The following KCNMA1 variants were observed in gnomAD, a reference collection of about 807,000 sequenced individuals.
The protein encoded by KCNMA1 is potassium calcium-activated channel subfamily M alpha 1.
Under a neutral mutation model 140.0 loss-of-function variants are expected in KCNMA1, and 29 were observed. The ratio of observed to expected loss-of-function variants is 0.21; its 90% CI spans 0.15 to 0.28. The LOEUF is 0.28. KCNMA1 is among the 10% of genes least tolerant of loss of function. The probability of loss-of-function intolerance (pLI) is 1.00; values close to 1 mark genes in which losing one functional copy is unlikely to be tolerated. For missense variants in KCNMA1, 880 were observed against 1,602.2 expected, an observed-to-expected ratio of 0.55 and a Z score of 7.70; for synonymous variants, 612 against 611.9, an observed-to-expected ratio of 1.00 and a Z score of 0.00.
At chr10:77,426,913 A>T (rs1014069522) in intron 1 of KCNMA1, among the ~76,000 whole-genome samples, 1 of 152,256 alleles carries the variant, frequency 6.6e-6, no homozygotes, top group Non-Finnish European at 1.5e-5. Context: ...CGTGACCCAC[A>T]CATACCTACT....
intron 1 of KCNMA1, among the ~76,000 whole-genome samples, chr10:77,600,639 T>C (rs868626048): frequency 4.6e-5 from 7 of 152,014 alleles, no homozygotes; most frequent in Non-Finnish European, 2.9e-5. Context: ...TCCCAGCTAC[T>C]CAGGAGGCTG....
At chr10:77,202,368 T>C (rs1475803269) in intron 3 of KCNMA1, among the ~76,000 whole-genome samples, 1 of 152,206 alleles carries the variant, frequency 6.6e-6, no homozygotes, top group Non-Finnish European at 1.5e-5. Flanking sequence ...AGGTCGTTAA[T>C]GTAATAAGCA....
intron 1 of KCNMA1, among the ~76,000 whole-genome samples, chr10:77,589,439 A>G (rs1051783784): frequency 1.3e-5 from 2 of 152,000 alleles, no homozygotes; most frequent in African/African-American, 4.8e-5. Context: ...GCCTCTCCCA[A>G]GCTCCCTGGG....
Position 77,436,143 on chromosome 10 carries a change from A to G in KCNMA1, c.379-32120T>C, listed in dbSNP as rs541248142. ...AGACCTGCTGGGGGAAGCTTGCACA[A>G]GTCTGGTCCAAAATCCGTTTGTAAG... On this transcript the variant is annotated intron_variant, in intron 1 of 27. Transcript: ENST00000286628. Among the ~76,000 whole-genome samples, 191 of 152,334 alleles carry G rather than the reference A, an allele frequency of 1.3e-3. 4 individuals are homozygous for G. The South Asian group carries it at 0.037, about 30-fold the overall frequency.
At chr10:77,218,160 A>T (rs1199784593) in intron 3 of KCNMA1, among the ~76,000 whole-genome samples, 1 of 151,976 alleles carries the variant, frequency 6.6e-6, no homozygotes, top group Non-Finnish European at 1.5e-5. Context: ...GTTGAGAGGG[A>T]GGGAGAAGTT....
chr10:77,343,327 C>T (rs2091422528), intron 2 of KCNMA1, among the ~76,000 whole-genome samples: 1 of 152,078 alleles, frequency 6.6e-6, no homozygotes, highest in Non-Finnish European at 1.5e-5. Flanking sequence ...ATAGGTATTG[C>T]CATTGTCCTG....
At chr10:77,533,629 C>T (rs966166476) in intron 1 of KCNMA1, among the ~76,000 whole-genome samples, 8 of 152,088 alleles carry the variant, frequency 5.3e-5, no homozygotes, top group African/African-American at 1.7e-4. Flanking sequence ...CATCACTGCC[C>T]GGCAAGAGTC....
intron 21 of KCNMA1, 161 bp from the exon 22 acceptor site, chr10:76,949,527 G>A: frequency 2.9e-6 from 2 of 685,322 alleles, no homozygotes; most frequent in South Asian, 3.3e-5. Flanking sequence ...ATGCCATATA[G>A]AGCTATAATT....
In KCNMA1 at chr10:76,947,991, AGTTGTTTCTTGTTTT is replaced by A. The variant is rs1473696912; in HGVS notation, c.2709+1136_2709+1150del. Among the ~76,000 whole-genome samples the A allele has an allele frequency of 2.5e-3, 16 of 6,528 alleles. No homozygotes were observed. The South Asian group carries it at 0.12, about 49-fold the overall frequency. The allele number at this position is 6,528 out of a possible 152,430, so 4.3% of individuals were successfully genotyped here. ...ACATGTAGAGAAATCCATGTTCCTC[AGTTGTTTCTTGTTTT>A]GTTTTTGTTTTTGTTTGAGGCAGGC... is the stretch of plus-strand genomic sequence containing the variant. On this transcript the variant is annotated intron_variant, in intron 22 of 27. Coordinates refer to ENST00000286628, the MANE Select transcript of KCNMA1 (RefSeq NM_001161352.2).
At position 77,480,537 on chromosome 10, in the gene KCNMA1, A is replaced by G. The variant is rs571374800; in HGVS notation, c.379-76514T>C. ...TCCCAGAAAAAAAGAAACAGTCCCCATATCCTAGAGCAAGAAATAAGCAAA... is the reference window on the plus strand; with the variant it reads ...TCCCAGAAAAAAAGAAACAGTCCCCGTATCCTAGAGCAAGAAATAAGCAAA... On this transcript the variant is annotated intron_variant, in intron 1 of 27. Transcript: ENST00000286628. Among the ~76,000 whole-genome samples the G allele has an allele frequency of 2.6e-5, 4 of 152,358 alleles. No homozygotes were observed. The South Asian group carries it at 8.3e-4, about 32-fold the overall frequency.
intron 3 of KCNMA1, among the ~76,000 whole-genome samples, chr10:77,202,589 C>T (rs866548836): frequency 6.6e-6 from 1 of 152,176 alleles, no homozygotes; most frequent in African/African-American, 2.4e-5. Context: ...CAAGTGATAC[C>T]TGCTTAATGA....
At chr10:77,297,652 T>G (rs1057294107) in intron 2 of KCNMA1, among the ~76,000 whole-genome samples, 1 of 152,130 alleles carries the variant, frequency 6.6e-6, no homozygotes, top group African/African-American at 2.4e-5. Context: ...CACGCATAAT[T>G]AATGTGACTA....
At chr10:76,909,019 A>G (rs1226521258) in intron 25 of KCNMA1, among the ~76,000 whole-genome samples, 2 of 152,220 alleles carry the variant, frequency 1.3e-5, no homozygotes, top group Non-Finnish European at 2.9e-5. Flanking sequence ...ATGCACATCA[A>G]GTTATAAAAG....
At chr10:77,174,314 A>G (rs760704200) in intron 5 of KCNMA1, among the ~76,000 whole-genome samples, 7 of 152,198 alleles carry the variant, frequency 4.6e-5, no homozygotes, top group Non-Finnish European at 8.8e-5. Flanking sequence ...CCATTGGTCC[A>G]TTCACTCAAA....
At chr10:76,983,725 TAA>T (rs563879219) in intron 19 of KCNMA1, among the ~76,000 whole-genome samples, 10 of 136,814 alleles carry the variant, frequency 7.3e-5, no homozygotes, top group African/African-American at 8.1e-5. Flanking sequence ...AGACACTGTT[TAA>T]AAAAAAAAAA....
chr10:77,167,639 C>T (rs1463207500), intron 5 of KCNMA1, among the ~76,000 whole-genome samples: 1 of 151,700 alleles, frequency 6.6e-6, no homozygotes, highest in African/African-American at 2.4e-5. Context: ...GACAGTGATG[C>T]ATCCAGGGAA....
At chr10:77,227,996 T>C (rs1205264203) in intron 3 of KCNMA1, among the ~76,000 whole-genome samples, 2 of 150,234 alleles carry the variant, frequency 1.3e-5, no homozygotes, top group Non-Finnish European at 3.0e-5. Flanking sequence ...CGGAGTTTTG[T>C]TCTTGTCGCC....
chr10:76,880,216 G>A (rs1043694460), downstream of KCNMA1, among the ~76,000 whole-genome samples: 2 of 152,056 alleles, frequency 1.3e-5, no homozygotes, highest in African/African-American at 2.4e-5. Flanking sequence ...GACCTTTCGC[G>A]GCAGAGAGAA....
At chr10:77,293,070 C>A (rs1441853403) in intron 2 of KCNMA1, among the ~76,000 whole-genome samples, 2 of 152,118 alleles carry the variant, frequency 1.3e-5, no homozygotes, top group Non-Finnish European at 2.9e-5. Context: ...GGTCAAAGGT[C>A]TCCCAGGAAG....
Sources: allele counts gnomAD v4.1 joint callset (sites outside exome capture counted in the v4.1 genomes callset), GRCh38; gene constraint gnomAD v4.1.1; transcripts MANE v1.5; gene names NCBI Gene and HGNC (gene_info 2026-07-23, HGNC 2026-07-21).